ESRRB: variants seen among roughly 807,000 people sequenced by gnomAD.
ESRRB encodes steroid hormone receptor ERR2.
A neutral mutation model predicts 46.0 loss-of-function variants in ESRRB; 16 were observed. The ratio of observed to expected loss-of-function variants is 0.35; its 90% CI spans 0.24 to 0.53. The LOEUF (loss-of-function observed/expected upper bound fraction) is 0.53, where lower values mean the gene tolerates loss of function less well. ESRRB is among the 20% of genes least tolerant of loss of function. The pLI is 0.93. For missense variants in ESRRB, 488 were observed against 607.4 expected, an observed-to-expected ratio of 0.80 and a Z score of 2.07; for synonymous variants, 246 against 259.6, an observed-to-expected ratio of 0.95 and a Z score of 0.50.
intron 1 of ESRRB, among the ~76,000 whole-genome samples, chr14:76,345,290 C>A (rs1350451083): frequency 6.6e-6 from 1 of 152,214 alleles, no homozygotes; most frequent in Non-Finnish European, 1.5e-5. Context: ...ACAATCTATT[C>A]ATCTGACAAA....
intron 5 of ESRRB, among the ~76,000 whole-genome samples, chr14:76,489,650 C>T (rs1890148507): frequency 6.6e-6 from 1 of 152,156 alleles, no homozygotes; most frequent in Non-Finnish European, 1.5e-5. Context: ...TGTGATAATT[C>T]ACTTGGAGAA....
At chr14:76,324,311 A>G (rs1883902435) in intron 1 of ESRRB, among the ~76,000 whole-genome samples, 1 of 152,132 alleles carries the variant, frequency 6.6e-6, no homozygotes, top group Non-Finnish European at 1.5e-5. Flanking sequence ...CCCGGCAGGG[A>G]GGGAGTAGAC....
intron 1 of ESRRB, among the ~76,000 whole-genome samples, chr14:76,399,864 A>T (rs181002112): frequency 1.3e-5 from 2 of 152,190 alleles, no homozygotes; most frequent in African/African-American, 4.8e-5. Flanking sequence ...GCTGCTCCTG[A>T]CCAGATGCTG....
At chr14:76,418,852 G>C (rs1460215799) in intron 1 of ESRRB, among the ~76,000 whole-genome samples, 1 of 152,084 alleles carries the variant, frequency 6.6e-6, no homozygotes, top group Non-Finnish European at 1.5e-5. Context: ...CTGGCCTCAA[G>C]TGATCCGCCC....
At chr14:76,312,939 C>A (rs982324706) in intron 1 of ESRRB, among the ~76,000 whole-genome samples, 40 of 152,192 alleles carry the variant, frequency 2.6e-4, no homozygotes, top group Admixed American at 1.3e-4. Flanking sequence ...ACACTGGAGC[C>A]TGCCTGGCCC....
intron 2 of ESRRB, among the ~76,000 whole-genome samples, chr14:76,439,997 C>T (rs1887852252): frequency 6.6e-6 from 1 of 152,018 alleles, no homozygotes. Context: ...CCCCAGAAAA[C>T]CAAAAGAAAA....
At chr14:76,409,426 C>T (rs191765822) in intron 1 of ESRRB, among the ~76,000 whole-genome samples, 3 of 152,282 alleles carry the variant, frequency 2.0e-5, no homozygotes, top group Admixed American at 2.0e-4. Context: ...CTGCACCCCC[C>T]AGTCCCTCTC....
chr14:76,462,161 T>TGTGGTGGTGGTG (rs61608653), intron 2 of ESRRB, among the ~76,000 whole-genome samples: 4 of 151,486 alleles, frequency 2.6e-5, no homozygotes, highest in Admixed American at 2.6e-4. Flanking sequence ...TGGAGGAGCC[T>TGTGGTGGTGGTG]GTGGTGGTGG....
intron 2 of ESRRB, among the ~76,000 whole-genome samples, chr14:76,445,466 C>CAAAAAAAAAAAAAAAA (rs747627410): frequency 1.3e-5 from 1 of 79,808 alleles, no homozygotes; most frequent in Non-Finnish European, 2.8e-5. Context: ...AACTCCGTCT[C>CAAAAAAAAAAAAAAAA]AAAAAAAAAA....
At chr14:76,486,678 C>G (rs1374382894) in intron 5 of ESRRB, among the ~76,000 whole-genome samples, 1 of 152,072 alleles carries the variant, frequency 6.6e-6, no homozygotes, top group East Asian at 1.9e-4. Context: ...AAACAATTTT[C>G]CTGGGGCAGC....
In ESRRB at chr14:76,500,471, T is replaced by A; in HGVS notation, c.*2013T>A. 1.6e-6 allele frequency: 1 copy of A among 607,226 alleles called. No homozygotes were observed. The highest frequency in any genetic ancestry group is 2.0e-5 in the South Asian group (1 of 50,606). 37.6% of individuals were successfully genotyped at this position (607,226 alleles called of 1,614,324 possible). A position where few individuals can be genotyped will look rare whatever the true frequency, so the allele number is the denominator to read the frequency against. On this transcript the variant is annotated 3_prime_UTR_variant, in exon 7 of 7. Coordinates refer to ENST00000644823, the MANE Select transcript of ESRRB (RefSeq NM_001379180.1). ...CAAGGAACACCAGCTACAAACCAAG[T>A]CTAGCACAGTGTTTAGAGGCTCTGC...
chr14:76,323,580 G>A (rs769891149), intron 1 of ESRRB, among the ~76,000 whole-genome samples: 5 of 152,156 alleles, frequency 3.3e-5, no homozygotes, highest in Non-Finnish European at 7.4e-5. Flanking sequence ...AAAGTGTTCA[G>A]ATTACAGGTA....
intron 1 of ESRRB, among the ~76,000 whole-genome samples, chr14:76,420,841 T>G (rs1886925303): frequency 6.6e-6 from 1 of 152,116 alleles, no homozygotes; most frequent in Non-Finnish European, 1.5e-5. Context: ...ATTCAGAGCT[T>G]GCAGACCACC....
At chr14:76,491,341 C>A in intron 5 of ESRRB, 106 bp from the exon 6 acceptor site, 1 of 1,193,866 alleles carries the variant, frequency 8.4e-7, no homozygotes, top group Non-Finnish European at 1.2e-6. Flanking sequence ...CAGGGACACC[C>A]CGCAACCAGC....
At chr14:76,476,670 C>T (rs1414820544) in intron 3 of ESRRB, among the ~76,000 whole-genome samples, 1 of 151,874 alleles carries the variant, frequency 6.6e-6, no homozygotes, top group South Asian at 2.1e-4. Flanking sequence ...TTGGTTTTTC[C>T]ACCTTACAAG....
chr14:76,494,238 G>C (rs1346377033), intron 6 of ESRRB, among the ~76,000 whole-genome samples: 1 of 151,410 alleles, frequency 6.6e-6, no homozygotes, highest in East Asian at 1.9e-4. Context: ...TTCCAAAATT[G>C]TAGTGCATTC....
At chr14:76,434,393 T>A (rs947346976) in intron 1 of ESRRB, among the ~76,000 whole-genome samples, 1 of 152,146 alleles carries the variant, frequency 6.6e-6, no homozygotes, top group Non-Finnish European at 1.5e-5. Flanking sequence ...TGGCCCATCC[T>A]GTAATCCTAG....
intron 1 of ESRRB, among the ~76,000 whole-genome samples, chr14:76,421,485 C>G (rs1033745737): frequency 6.6e-6 from 1 of 152,170 alleles, no homozygotes; most frequent in Non-Finnish European, 1.5e-5. Flanking sequence ...TATTGTTATT[C>G]GGTTATATAA....
chr14:76,402,972 G>T (rs2361283), intron 1 of ESRRB, among the ~76,000 whole-genome samples: 17,412 of 151,908 alleles, frequency 0.11, 1,085 homozygotes, highest in East Asian at 0.26. Context: ...TGTGTTTTTT[G>T]TAGAGACAGG....
Sources: allele counts gnomAD v4.1 joint callset (sites outside exome capture counted in the v4.1 genomes callset), GRCh38; gene constraint gnomAD v4.1.1; transcripts MANE v1.5; gene names NCBI Gene and HGNC (gene_info 2026-07-23, HGNC 2026-07-21).